TRAPPC9: variants seen among roughly 807,000 people sequenced by gnomAD.
The protein encoded by TRAPPC9 is trafficking protein particle complex subunit 9.
In TRAPPC9, 83 loss-of-function variants were observed where a neutral mutation model predicts 124.0. The observed-to-expected ratio is 0.67, with a 90% CI of 0.56 to 0.80. The LOEUF is 0.80. TRAPPC9 is among the 30% of genes least tolerant of loss of function. The probability of loss-of-function intolerance (pLI) is 0.00; values close to 1 mark genes in which losing one functional copy is unlikely to be tolerated. For synonymous variants in TRAPPC9, 638 were observed against 617.5 expected (o/e 1.03, Z -0.49); for missense variants, 1,302 against 1,508.3 (o/e 0.86, Z 2.27).
At chr8:139,971,206 T>G (rs1049077432) in intron 19 of TRAPPC9, among the ~76,000 whole-genome samples, 1 of 152,128 alleles carries the variant, frequency 6.6e-6, no homozygotes, top group African/African-American at 2.4e-5. Context: ...TGCCTTCTCA[T>G]GACCGTCCCT....
intron 15 of TRAPPC9, among the ~76,000 whole-genome samples, chr8:140,270,342 C>T (rs560915197): frequency 2.3e-4 from 35 of 152,318 alleles, no homozygotes; most frequent in African/African-American, 7.5e-4. Context: ...CGCTTGTCTA[C>T]GTCCTCCACT....
chr8:140,206,881 G>C (rs1023448642), intron 17 of TRAPPC9, among the ~76,000 whole-genome samples: 1 of 152,052 alleles, frequency 6.6e-6, no homozygotes. Flanking sequence ...CAAGCCGTCT[G>C]TGACCCTTTT....
At chr8:139,880,645 A>G (rs997214664) in intron 21 of TRAPPC9, among the ~76,000 whole-genome samples, 6 of 152,236 alleles carry the variant, frequency 3.9e-5, no homozygotes, top group Non-Finnish European at 7.3e-5. Context: ...TGTGATGACT[A>G]AACATCTCAA....
chr8:140,066,797 T>C (rs1465181604), intron 17 of TRAPPC9, among the ~76,000 whole-genome samples: 2 of 152,182 alleles, frequency 1.3e-5, no homozygotes, highest in Non-Finnish European at 2.9e-5. Flanking sequence ...CACCAAAGGA[T>C]GGGCACCCTC....
chr8:140,072,588 AAGGGAAGGAGG>A (rs1843239015), intron 17 of TRAPPC9, among the ~76,000 whole-genome samples: 1 of 24,994 alleles, frequency 4.0e-5, no homozygotes. Flanking sequence ...GGAGGAGGAG[AAGGGAAGGAGG>A]AGGAGGAGGA....
At chr8:140,041,506 C>T (rs957273978) in intron 17 of TRAPPC9, among the ~76,000 whole-genome samples, 4 of 152,228 alleles carry the variant, frequency 2.6e-5, no homozygotes, top group African/African-American at 9.6e-5. Context: ...GCCCAAGGTC[C>T]AACAGCCAAC....
chr8:139,795,931 G>A (rs989026738), intron 21 of TRAPPC9, among the ~76,000 whole-genome samples: 2 of 152,148 alleles, frequency 1.3e-5, no homozygotes, highest in Non-Finnish European at 2.9e-5. Context: ...CACAGGAGAA[G>A]GCGGCCAAAC....
At chr8:139,927,224 C>T (rs1185632990) in intron 19 of TRAPPC9, among the ~76,000 whole-genome samples, 1 of 151,706 alleles carries the variant, frequency 6.6e-6, no homozygotes, top group Non-Finnish European at 1.5e-5. Context: ...TGGGAGCATG[C>T]AAGGGAATCT....
chr8:140,453,526 A>T (rs528774953), intron 1 of TRAPPC9, among the ~76,000 whole-genome samples: 1 of 37,220 alleles, frequency 2.7e-5, no homozygotes, highest in Non-Finnish European at 6.4e-5. Context: ...GGACATCACA[A>T]CCCCACCTCT....
At chr8:139,784,610 T>C (rs1181728899) in intron 21 of TRAPPC9, among the ~76,000 whole-genome samples, 3 of 26,664 alleles carry the variant, frequency 1.1e-4, no homozygotes, top group East Asian at 1.7e-3. Context: ...AAGACTGACA[T>C]ATATATATAT....
At chr8:140,015,601 C>T (rs1421755558) in intron 18 of TRAPPC9, among the ~76,000 whole-genome samples, 3 of 151,624 alleles carry the variant, frequency 2.0e-5, no homozygotes, top group African/African-American at 7.3e-5. Context: ...CCAGCCTGGG[C>T]AACTTGGTGA....
At chr8:140,229,452 G>C (rs1191701203) in intron 16 of TRAPPC9, among the ~76,000 whole-genome samples, 2 of 151,578 alleles carry the variant, frequency 1.3e-5, no homozygotes, top group Non-Finnish European at 2.9e-5. Flanking sequence ...TTTTAGTAGA[G>C]ATGGGGTTTC....
At chr8:140,125,791 T>A (rs1379491550) in intron 17 of TRAPPC9, among the ~76,000 whole-genome samples, 1 of 151,978 alleles carries the variant, frequency 6.6e-6, no homozygotes, top group Non-Finnish European at 1.5e-5. Context: ...GACGGGTTCA[T>A]GTCCAGATCC....
chr8:139,938,121 C>T (rs1833653668), intron 19 of TRAPPC9, among the ~76,000 whole-genome samples: 3 of 152,212 alleles, frequency 2.0e-5, no homozygotes, highest in Non-Finnish European at 4.4e-5. Flanking sequence ...ATAAGAAATA[C>T]ATTCCTGCAT....
intron 21 of TRAPPC9, among the ~76,000 whole-genome samples, chr8:139,848,002 TGGAACAAG>T: frequency 6.6e-6 from 1 of 152,362 alleles, no homozygotes; most frequent in East Asian, 1.9e-4. Flanking sequence ...CTGCCGGAAC[TGGAACAAG>T]GCCCCTAGCC....
intron 9 of TRAPPC9, among the ~76,000 whole-genome samples, chr8:140,343,406 C>T (rs966138511): frequency 3.9e-5 from 6 of 152,246 alleles, no homozygotes; most frequent in African/African-American, 1.4e-4. Flanking sequence ...ACTTTTCAAA[C>T]ATATAAGTTT....
intron 20 of TRAPPC9, among the ~76,000 whole-genome samples, chr8:139,887,037 C>A (rs1430572741): frequency 1.3e-5 from 2 of 152,160 alleles, no homozygotes; most frequent in Non-Finnish European, 2.9e-5. Context: ...GCAGAGCGGG[C>A]ATATCCCCCT....
rs1182549192 is a variant in TRAPPC9 at position 139,907,611 on chromosome 8, CTCTT to C, written c.2964+2532_2964+2535del. On this transcript the variant is annotated intron_variant, in intron 20 of 22. Transcript: ENST00000438773. This position sits in a 1 kb window ranked among gnomAD's most constrained non-coding sequence, Gnocchi z 4.7. The stretch of plus-strand genomic sequence containing the variant: ...AGGGATGATGTCCTTAATGTTAACT[CTCTT>C]TCACTAAATTTGCCTATAGGGACAA... Among the ~76,000 whole-genome samples the C allele has an allele frequency of 6.6e-6, 1 of 151,776 alleles. No individual in the cohort carries two copies. The highest frequency in any genetic ancestry group is 2.4e-5 in the African/African-American group (1 of 41,280).
At chr8:139,894,470 C>T (rs1830542182) in intron 20 of TRAPPC9, among the ~76,000 whole-genome samples, 2 of 152,142 alleles carry the variant, frequency 1.3e-5, no homozygotes, top group Non-Finnish European at 2.9e-5. Context: ...TGCTGCGGTG[C>T]CCTGAGTGCG....
Sources: gnomAD v4.1 joint callset for allele counts (sites outside exome capture counted in the v4.1 genomes callset) on GRCh38, gnomAD v4.1.1 for gene constraint, Gnocchi (gnomAD v3.1) non-coding constraint, MANE v1.5 for transcripts, NCBI Gene and HGNC (gene_info 2026-07-23, HGNC 2026-07-21) for gene names.